FRMPD2: variants seen among roughly 807,000 people sequenced by gnomAD.
FRMPD2 encodes FERM and PDZ domain-containing protein 2.
FRMPD2 carries 96 observed loss-of-function variants against 140.1 expected under a neutral mutation model. The ratio of observed to expected loss-of-function variants is 0.69; its 90% confidence interval spans 0.58 to 0.81. The LOEUF is 0.81. FRMPD2 is among the 40% of genes least tolerant of loss of function. The probability of loss-of-function intolerance (pLI) is 0.00; values close to 1 mark genes in which losing one functional copy is unlikely to be tolerated. For synonymous variants in FRMPD2, 449 were observed against 547.6 expected, an observed-to-expected ratio of 0.82 and a Z score of 2.52; for missense variants, 1,240 against 1,447.4, an observed-to-expected ratio of 0.86 and a Z score of 2.32.
At chr10:48,204,618 C>T (rs3906617) in intron 14 of FRMPD2, among the ~76,000 whole-genome samples, 48,602 of 152,048 alleles carry the variant, frequency 0.32, 8,995 homozygotes, top group African/African-American at 0.51. Flanking sequence ...AAAAATATTA[C>T]TTGCTGGCTT....
At chr10:48,239,562 T>TCTCA (rs746336903) in intron 7 of FRMPD2, 43 bp downstream of exon 7, 1 of 1,424,856 alleles carries the variant, frequency 7.0e-7, no homozygotes, top group Non-Finnish European at 9.9e-7. Flanking sequence ...CACACCTATG[T>TCTCA]CTCACATCAA....
intron 7 of FRMPD2, among the ~76,000 whole-genome samples, chr10:48,238,590 C>G (rs575870465): frequency 3.9e-5 from 6 of 152,310 alleles, no homozygotes; most frequent in Admixed American, 1.3e-4. Flanking sequence ...GCAAGATAAA[C>G]TCTACGATAT....
At chr10:48,197,545 C>G (rs778479515) in intron 15 of FRMPD2, among the ~76,000 whole-genome samples, 1 of 152,138 alleles carries the variant, frequency 6.6e-6, no homozygotes, top group Non-Finnish European at 1.5e-5. Context: ...CACTTGGGTT[C>G]TTTTTAAAAG....
At chr10:48,203,123 A>G (rs998908441) in intron 14 of FRMPD2, among the ~76,000 whole-genome samples, 1 of 152,278 alleles carries the variant, frequency 6.6e-6, no homozygotes, top group South Asian at 2.1e-4. Context: ...AAAATGTAAT[A>G]ACTATTTTTT....
intron 2 of FRMPD2, among the ~76,000 whole-genome samples, 173 bp downstream of exon 2, chr10:48,251,393 C>T (rs990575026): frequency 2.0e-5 from 3 of 152,232 alleles, no homozygotes; most frequent in Non-Finnish European, 4.4e-5. Context: ...AGGATAGGTG[C>T]TATTCTTCTA....
At chr10:48,184,482 T>C (rs1182853380) in intron 20 of FRMPD2, 84 bp downstream of exon 20, 1 of 838,522 alleles carries the variant, frequency 1.2e-6, no homozygotes, top group Non-Finnish European at 2.0e-6. Flanking sequence ...CTACGTGGAC[T>C]TCAAGGTCTA....
At chr10:48,210,764 A>C (rs1323511444) in intron 13 of FRMPD2, among the ~76,000 whole-genome samples, 5 of 152,354 alleles carry the variant, frequency 3.3e-5, no homozygotes, top group Non-Finnish European at 7.3e-5. Flanking sequence ...AGTTCTGCAA[A>C]ATGACCAGCT....
Position 48,255,394 on chromosome 10 carries a change from C to T in FRMPD2, c.26-3703G>A, listed in dbSNP as rs377176687. Among the ~76,000 whole-genome samples, 22 of 152,306 alleles carry T rather than the reference C, an allele frequency of 1.4e-4. No homozygotes were observed. The South Asian group carries it at 4.3e-3, about 30-fold the overall frequency. ...TTTTCCCTGCCCTTGATCTTTAGTG[C>T]TTCCACTTGGGCCTCCCTCTCCCAT... On this transcript the variant is annotated intron_variant, in intron 1 of 28. Coordinates refer to ENST00000374201, the MANE Select transcript of FRMPD2 (RefSeq NM_001018071.4).
intron 16 of FRMPD2, among the ~76,000 whole-genome samples, chr10:48,189,042 G>A (rs983615348): frequency 2.0e-5 from 3 of 152,150 alleles, no homozygotes; most frequent in Non-Finnish European, 2.9e-5. Context: ...AATGGACTGC[G>A]TGCTACTGAA....
intron 10 of FRMPD2, among the ~76,000 whole-genome samples, chr10:48,230,635 G>A (rs1228106132): frequency 1.3e-5 from 2 of 152,210 alleles, no homozygotes; most frequent in African/African-American, 4.8e-5. Flanking sequence ...GGTAACTGTA[G>A]AAAAGAAATT....
At chr10:48,231,688 GTC>G (rs918835659) in intron 10 of FRMPD2, among the ~76,000 whole-genome samples, 36 of 152,302 alleles carry the variant, frequency 2.4e-4, no homozygotes, top group African/African-American at 8.7e-4. Context: ...GAAATAAAGA[GTC>G]TCTAATAGAA....
intron 9 of FRMPD2, among the ~76,000 whole-genome samples, chr10:48,234,808 C>T (rs1361653887): frequency 6.6e-6 from 1 of 152,056 alleles, no homozygotes; most frequent in Non-Finnish European, 1.5e-5. Flanking sequence ...AGATGCTCGC[C>T]CCAGACAGAA....
chr10:48,233,793 C>T (rs1456051088), intron 9 of FRMPD2, among the ~76,000 whole-genome samples: 3 of 152,152 alleles, frequency 2.0e-5, no homozygotes, highest in African/African-American at 4.8e-5. Flanking sequence ...CCTTCATCCT[C>T]CCCACACAGT....
At chr10:48,246,790 G>T (rs942634605) in intron 3 of FRMPD2, among the ~76,000 whole-genome samples, 1 of 152,212 alleles carries the variant, frequency 6.6e-6, no homozygotes, top group African/African-American at 2.4e-5. Flanking sequence ...ACCCCTCATG[G>T]ACCCATGCCA....
rs1173977451 is a variant in FRMPD2 at position 48,166,985 on chromosome 10, GGGTCCCAGCACCTTGGCCTGAATTT to G, written c.3537+1585_3537+1609del. Among the ~76,000 whole-genome samples the G allele has an allele frequency of 2.6e-5, 2 of 76,692 alleles. 1 individual carries two copies. The highest frequency in any genetic ancestry group is 2.3e-4 in the Admixed American group (2 of 8,560). 50.3% of individuals were successfully genotyped at this position (76,692 alleles called of 152,430 possible). On this transcript the variant is annotated intron_variant, in intron 27 of 28. Transcript: ENST00000374201. Reference sequence around the variant, plus strand: ...TCCTAGATATTTCAACAAAAACACAGGGTCCCAGCACCTTGGCCTGAATTTGTGTGTGTGAAATTTGGCCCTCTCT... The same window carrying G: ...TCCTAGATATTTCAACAAAAACACAGGTGTGTGTGAAATTTGGCCCTCTCT...
chr10:48,239,504 A>G (rs541608640), intron 7 of FRMPD2, 101 bp downstream of exon 7: 2 of 771,922 alleles, frequency 2.6e-6, no homozygotes, highest in African/African-American at 3.5e-5. Flanking sequence ...TGGAGGAGCA[A>G]GAGGCTTCTT....
At chr10:48,209,635 G>A (rs1366603874) in intron 13 of FRMPD2, among the ~76,000 whole-genome samples, 1 of 152,196 alleles carries the variant, frequency 6.6e-6, no homozygotes, top group Non-Finnish European at 1.5e-5. Context: ...GGCCTTCCAG[G>A]CATTTATAGC....
intron 10 of FRMPD2, among the ~76,000 whole-genome samples, chr10:48,226,784 G>A (rs1381100828): frequency 2.0e-5 from 3 of 152,190 alleles, no homozygotes; most frequent in Non-Finnish European, 2.9e-5. Flanking sequence ...AACTAATTTG[G>A]TGGAGTCTTC....
chr10:48,210,140 C>G (rs1781194965), intron 13 of FRMPD2, among the ~76,000 whole-genome samples: 1 of 152,016 alleles, frequency 6.6e-6, no homozygotes, highest in South Asian at 2.1e-4. Flanking sequence ...GGGAGAAAAC[C>G]TTTAACAAAC....
Sources: gnomAD v4.1 joint callset for allele counts (sites outside exome capture counted in the v4.1 genomes callset) on GRCh38, gnomAD v4.1.1 for gene constraint, MANE v1.5 for transcripts, NCBI Gene and HGNC (gene_info 2026-07-23, HGNC 2026-07-21) for gene names.